NRXN3: variants seen among roughly 807,000 people sequenced by gnomAD.
The protein encoded by NRXN3 is neurexin 3, also known as neurexin III.
NRXN3 carries 32 observed loss-of-function variants against 137.6 expected under a neutral mutation model. The observed-to-expected ratio is 0.23, with a 90% CI of 0.18 to 0.31. The LOEUF is 0.31. NRXN3 is among the 10% of genes least tolerant of loss of function. The pLI is 1.00. For missense variants in NRXN3, 1,574 were observed against 2,062.5 expected (o/e 0.76, Z 4.59); for synonymous variants, 798 against 784.5 (o/e 1.02, Z -0.29).
chr14:78,954,807 G>T (rs2099393846), intron 10 of NRXN3, among the ~76,000 whole-genome samples: 1 of 143,178 alleles, frequency 7.0e-6, no homozygotes. Context: ...TTATTCATTG[G>T]CCATCACATT....
At chr14:78,916,543 T>G (rs2099255878) in intron 10 of NRXN3, among the ~76,000 whole-genome samples, 1 of 152,134 alleles carries the variant, frequency 6.6e-6, no homozygotes, top group Non-Finnish European at 1.5e-5. Context: ...TGGGAGTCCT[T>G]CTGTTAGAGA....
intron 15 of NRXN3, among the ~76,000 whole-genome samples, chr14:79,173,542 A>AG (rs1258370105): frequency 6.6e-6 from 1 of 151,676 alleles, no homozygotes; most frequent in Non-Finnish European, 1.5e-5. Context: ...AAAAAAAAAA[A>AG]AAAAAAAAAA....
rs192291298 is a variant in NRXN3 at position 78,367,264 on chromosome 14, G to C, written c.757+69404G>C. On this transcript the variant is annotated intron_variant, in intron 4 of 20. Coordinates refer to ENST00000335750, the MANE Select transcript of NRXN3 (RefSeq NM_001330195.2). ...TTTCTGGCTTTTTCTTGCTTAGTCTGTGGTTGTCTAAAACTTGCACTGGGC... is the reference window on the plus strand; with the variant it reads ...TTTCTGGCTTTTTCTTGCTTAGTCTCTGGTTGTCTAAAACTTGCACTGGGC... 4.4e-3 allele frequency among the ~76,000 whole-genome samples: 674 copies of C among 152,154 alleles called. 3 individuals carry two copies. The highest frequency in any genetic ancestry group is 7.6e-3 in the Non-Finnish European group (520 of 67,994).
intron 15 of NRXN3, among the ~76,000 whole-genome samples, chr14:79,084,902 A>T (rs918141518): frequency 1.3e-5 from 2 of 152,184 alleles, no homozygotes; most frequent in African/African-American, 4.8e-5. Flanking sequence ...CATAGAAATG[A>T]ACTTAGAAGT....
At chr14:78,963,836 CT>C (rs1259539274) in intron 11 of NRXN3, among the ~76,000 whole-genome samples, 5 of 152,138 alleles carry the variant, frequency 3.3e-5, no homozygotes, top group Non-Finnish European at 5.9e-5. Context: ...GTTACCTAGG[CT>C]GGAGTGCAGC....
At chr14:79,845,082 G>T (rs2099364227) in intron 20 of NRXN3, among the ~76,000 whole-genome samples, 1 of 151,862 alleles carries the variant, frequency 6.6e-6, no homozygotes, top group African/African-American at 2.4e-5. Flanking sequence ...ACCAACCCCT[G>T]GTAGCTTCCA....
intron 15 of NRXN3, among the ~76,000 whole-genome samples, chr14:79,376,214 G>GTATATATATATA (rs1159913935): frequency 2.8e-5 from 2 of 71,102 alleles, no homozygotes; most frequent in African/African-American, 1.1e-4. Context: ...GTGTGTGTAT[G>GTATATATATATA]TATATATATA....
At chr14:79,609,770 T>C (rs557262396) in intron 16 of NRXN3, among the ~76,000 whole-genome samples, 1 of 152,326 alleles carries the variant, frequency 6.6e-6, no homozygotes, top group Non-Finnish European at 1.5e-5. Flanking sequence ...AAAACGAATA[T>C]GCCAGATATA....
At chr14:78,235,461 T>C (rs952514863) in intron 1 of NRXN3, among the ~76,000 whole-genome samples, 3 of 152,094 alleles carry the variant, frequency 2.0e-5, no homozygotes, top group African/African-American at 7.2e-5. Context: ...AGTTCTCATA[T>C]CATGAGAAGA....
At chr14:78,267,574 C>T (rs528814279) in intron 2 of NRXN3, among the ~76,000 whole-genome samples, 2 of 152,256 alleles carry the variant, frequency 1.3e-5, no homozygotes, top group Admixed American at 6.5e-5. Flanking sequence ...GGCCATGTGC[C>T]TTTAGTCCCA....
intron 15 of NRXN3, among the ~76,000 whole-genome samples, chr14:79,225,419 C>T (rs542676678): frequency 6.6e-6 from 1 of 152,282 alleles, no homozygotes; most frequent in South Asian, 2.1e-4. Flanking sequence ...TTTCTTTCTA[C>T]TCCGTCTTTC....
chr14:79,664,538 T>C (rs553217316), intron 17 of NRXN3, among the ~76,000 whole-genome samples: 1 of 152,268 alleles, frequency 6.6e-6, no homozygotes, highest in African/African-American at 2.4e-5. Flanking sequence ...GTAGTCATTT[T>C]AATAGCAAGC....
At chr14:78,441,678 T>G (rs1053712197) in intron 4 of NRXN3, among the ~76,000 whole-genome samples, 3 of 152,176 alleles carry the variant, frequency 2.0e-5, no homozygotes, top group Non-Finnish European at 2.9e-5. Flanking sequence ...TTGCTGGAAC[T>G]TGTCAATGTT....
At chr14:79,754,601 C>T (rs2099012895) in intron 19 of NRXN3, among the ~76,000 whole-genome samples, 1 of 144,870 alleles carries the variant, frequency 6.9e-6, no homozygotes, top group African/African-American at 2.6e-5. Flanking sequence ...TATATATACA[C>T]ACACATACAC....
chr14:79,076,009 ACCTC>A (rs2045910260), intron 15 of NRXN3, among the ~76,000 whole-genome samples: 1 of 152,116 alleles, frequency 6.6e-6, no homozygotes, highest in African/African-American at 2.4e-5. Context: ...CTAGTCAAGC[ACCTC>A]CTGCAACTTT....
chr14:78,880,670 A>C (rs184845711), intron 10 of NRXN3, among the ~76,000 whole-genome samples: 166 of 152,318 alleles, frequency 1.1e-3, no homozygotes, highest in Non-Finnish European at 2.1e-3. Flanking sequence ...AATACCTGTT[A>C]CATTATAAGG....
chr14:78,432,809 G>A (rs2093937333), intron 4 of NRXN3, among the ~76,000 whole-genome samples: 1 of 152,172 alleles, frequency 6.6e-6, no homozygotes, highest in Non-Finnish European at 1.5e-5. Flanking sequence ...GGGAAACTGT[G>A]GCAGTAAGGA....
intron 15 of NRXN3, among the ~76,000 whole-genome samples, chr14:79,261,621 G>GTGTGTT (rs1445718081): frequency 1.5e-5 from 2 of 134,476 alleles, no homozygotes; most frequent in African/African-American, 2.8e-5. Flanking sequence ...GTGTGTGTGT[G>GTGTGTT]TGTGTGTGTG....
At chr14:78,240,779 G>C (rs889895305) in intron 1 of NRXN3, among the ~76,000 whole-genome samples, 3 of 152,248 alleles carry the variant, frequency 2.0e-5, no homozygotes, top group East Asian at 1.9e-4. Flanking sequence ...CCCCTTGTTC[G>C]TTGGGTTTGT....
Sources: allele counts gnomAD v4.1 joint callset (sites outside exome capture counted in the v4.1 genomes callset), GRCh38; gene constraint gnomAD v4.1.1; transcripts MANE v1.5; gene names NCBI Gene and HGNC (gene_info 2026-07-23, HGNC 2026-07-21).